The following PCED1B variants were observed in gnomAD, a reference collection of about 807,000 sequenced individuals.
PCED1B encodes the protein PC-esterase domain containing 1B.
For synonymous variants in PCED1B, 251 were observed against 246.1 expected, an observed-to-expected ratio of 1.02 and a Z score of -0.19; for missense variants, 573 against 573.9, an observed-to-expected ratio of 1.00 and a Z score of 0.02.
intron 1 of PCED1B, among the ~76,000 whole-genome samples, chr12:47,097,434 C>T (rs1456194885): frequency 1.3e-5 from 2 of 152,096 alleles, no homozygotes; most frequent in African/African-American, 4.8e-5. Flanking sequence ...AAAGCCACGC[C>T]TAAGGGAAGA....
intron 1 of PCED1B, among the ~76,000 whole-genome samples, chr12:47,100,388 C>G (rs1938650843): frequency 6.6e-6 from 1 of 152,202 alleles, no homozygotes; most frequent in Non-Finnish European, 1.5e-5. Flanking sequence ...AATCATCCAT[C>G]CATCCATCAA....
intron 2 of PCED1B, among the ~76,000 whole-genome samples, chr12:47,116,458 T>C (rs1939424961): frequency 6.6e-6 from 1 of 152,162 alleles, no homozygotes; most frequent in Non-Finnish European, 1.5e-5. Flanking sequence ...TAGATTGGCA[T>C]AGAGTTTTTT....
chr12:47,094,892 C>T lies in PCED1B; in HGVS notation c.-608-9221C>T, dbSNP rs1938417024. On this transcript the variant is annotated intron_variant, in intron 1 of 3. Coordinates refer to ENST00000546455, the MANE Select transcript of PCED1B (RefSeq NM_138371.3). ...GTCTGGAATTCTCTTTTCTTTCTCT[C>T]TCTCTTTCTTTTTTTTTTTTTTCTT... 2.6e-5 allele frequency among the ~76,000 whole-genome samples: 4 copies of T among 151,078 alleles called. No homozygotes were observed. The South Asian group carries it at 8.3e-4, about 32-fold the overall frequency.
intron 2 of PCED1B, among the ~76,000 whole-genome samples, chr12:47,139,866 G>A (rs1310116260): frequency 6.6e-6 from 1 of 151,912 alleles, no homozygotes; most frequent in Non-Finnish European, 1.5e-5. Flanking sequence ...TATGCAGTAT[G>A]GTATGTGTGT....
chr12:47,107,662 C>A (rs1023844575), intron 2 of PCED1B, among the ~76,000 whole-genome samples: 6 of 152,150 alleles, frequency 3.9e-5, no homozygotes, highest in African/African-American at 1.4e-4. Context: ...TGGCAGTGAC[C>A]CTGGCAGGGA....
At chr12:47,152,041 G>A (rs530051859) in intron 2 of PCED1B, among the ~76,000 whole-genome samples, 86 of 152,238 alleles carry the variant, frequency 5.6e-4, no homozygotes, top group Middle Eastern at 3.4e-3. Flanking sequence ...CTTTACAGTA[G>A]AATTCCAATT....
chr12:47,226,353 CCCT>C lies in PCED1B; in HGVS notation c.-57-8649_-57-8647del, dbSNP rs374033519. 3.5e-3 allele frequency among the ~76,000 whole-genome samples: 531 copies of C among 152,228 alleles called. 4 individuals are homozygous for C. Among genetic ancestry groups the C allele is most frequent in the African/African-American group, 0.012 (513 of 41,546 alleles). ...GCTCTTTAAGTGCCCATTTTCTTAC[CCCT>C]CCTCTTGAGAGAAGAGATTGCCTCT... is the stretch of plus-strand genomic sequence containing the variant. On this transcript the variant is annotated intron_variant, in intron 3 of 3. Coordinates refer to ENST00000546455, the MANE Select transcript of PCED1B (RefSeq NM_138371.3).
intron 1 of PCED1B, among the ~76,000 whole-genome samples, chr12:47,097,664 G>A (rs988952877): frequency 6.6e-6 from 1 of 152,190 alleles, no homozygotes; most frequent in Non-Finnish European, 1.5e-5. Flanking sequence ...GTTCAGTGAA[G>A]AGCCGACAAA....
At chr12:47,080,369 G>A (rs945830263) in intron 1 of PCED1B, among the ~76,000 whole-genome samples, 3 of 152,190 alleles carry the variant, frequency 2.0e-5, no homozygotes, top group African/African-American at 7.2e-5. Context: ...AGGAATCCCC[G>A]GACCTCTTAG....
intron 3 of PCED1B, among the ~76,000 whole-genome samples, chr12:47,226,228 G>A (rs145568686): frequency 7.2e-5 from 11 of 152,300 alleles, no homozygotes; most frequent in African/African-American, 2.6e-4. Context: ...ATTCGAAGTT[G>A]GAATCAGGTT....
chr12:47,121,013 A>T (rs747252544), intron 2 of PCED1B, among the ~76,000 whole-genome samples: 1 of 152,148 alleles, frequency 6.6e-6, no homozygotes, highest in Non-Finnish European at 1.5e-5. Flanking sequence ...TAGAAAAGGG[A>T]CATAGCTAAA....
intron 1 of PCED1B, among the ~76,000 whole-genome samples, chr12:47,094,337 G>T (rs1234152747): frequency 6.6e-6 from 1 of 152,090 alleles, no homozygotes; most frequent in Non-Finnish European, 1.5e-5. Context: ...TAGATTTGAA[G>T]ATTTGGGTTT....
chr12:47,162,124 G>C (rs185150464), intron 2 of PCED1B, among the ~76,000 whole-genome samples: 52 of 147,892 alleles, frequency 3.5e-4, no homozygotes, highest in African/African-American at 4.8e-4. Context: ...GGGGTGGTGG[G>C]GGGGGGAAGG....
chr12:47,148,120 G>A (rs933767351), intron 2 of PCED1B, among the ~76,000 whole-genome samples: 3 of 152,050 alleles, frequency 2.0e-5, no homozygotes, highest in Admixed American at 1.3e-4. Flanking sequence ...AGCAAATGAG[G>A]GCAAGAGCAA....
intron 2 of PCED1B, among the ~76,000 whole-genome samples, chr12:47,181,315 T>C (rs1942087657): frequency 6.6e-6 from 1 of 152,070 alleles, no homozygotes; most frequent in African/African-American, 2.4e-5. Context: ...CATATTTCAG[T>C]GCATTATTTT....
chr12:47,095,071 ATTTT>A (rs34778482), intron 1 of PCED1B, among the ~76,000 whole-genome samples: 2 of 113,828 alleles, frequency 1.8e-5, no homozygotes, highest in Non-Finnish European at 3.6e-5. Context: ...TGTGCCCACA[ATTTT>A]TTTTTTTTTT....
chr12:47,126,922 T>C lies in PCED1B; in HGVS notation c.-526+22727T>C, dbSNP rs1044894393. ...TTTCGTTGTTTTGGCTAGAGGTTTATTCAATGTAGTTGATTTTTCTCAAAG... is the reference window on the plus strand; with the variant it reads ...TTTCGTTGTTTTGGCTAGAGGTTTACTCAATGTAGTTGATTTTTCTCAAAG... On this transcript the variant is annotated intron_variant, in intron 2 of 3. Transcript: ENST00000546455. 3.3e-5 allele frequency among the ~76,000 whole-genome samples: 5 copies of C among 152,216 alleles called. No individual in the cohort carries two copies. The South Asian group carries it at 1.0e-3, about 32-fold the overall frequency.
chr12:47,105,102 G>A (rs1321193084), intron 2 of PCED1B, among the ~76,000 whole-genome samples: 2 of 152,142 alleles, frequency 1.3e-5, no homozygotes, highest in South Asian at 4.1e-4. Context: ...TTCTTTTGCC[G>A]CTTCAGGCTG....
At chr12:47,170,075 G>A (rs2137545345) in intron 2 of PCED1B, among the ~76,000 whole-genome samples, 1 of 152,134 alleles carries the variant, frequency 6.6e-6, no homozygotes, top group Non-Finnish European at 1.5e-5. Flanking sequence ...CTGGGTACTT[G>A]AGATTAGGGA....
Sources: allele counts gnomAD v4.1 joint callset (sites outside exome capture counted in the v4.1 genomes callset), GRCh38; gene constraint gnomAD v4.1.1; transcripts MANE v1.5; gene names NCBI Gene and HGNC (gene_info 2026-07-23, HGNC 2026-07-21).